The following XPNPEP3 variants were observed in gnomAD, a reference collection of about 807,000 sequenced individuals.
XPNPEP3 encodes the protein xaa-Pro aminopeptidase 3.
XPNPEP3 carries 41 observed loss-of-function variants against 60.0 expected under a neutral mutation model. That is an observed-to-expected ratio of 0.68 (90% CI 0.53 to 0.89). The LOEUF (loss-of-function observed/expected upper bound fraction) is 0.89, where lower values mean the gene tolerates loss of function less well. Among genes scored for constraint, XPNPEP3 ranks in the 40% least tolerant of loss-of-function variants. The pLI is 0.00. For missense variants in XPNPEP3, 598 were observed against 638.9 expected (o/e 0.94, Z 0.69); for synonymous variants, 212 against 223.2 (o/e 0.95, Z 0.45).
rs560908648 is a variant in XPNPEP3 at position 40,914,531 on chromosome 22, A to ATTTTT, written c.1055+234_1055+238dup. 1.9e-3 allele frequency among the ~76,000 whole-genome samples: 129 copies of ATTTTT among 67,668 alleles called. 12 individuals are homozygous for ATTTTT. Among genetic ancestry groups the ATTTTT allele is most frequent in the African/African-American group, 6.3e-3 (111 of 17,648 alleles). The allele number at this position is 67,668 out of a possible 152,430, so 44.4% of individuals were successfully genotyped here. On this transcript the variant is annotated intron_variant, in intron 7 of 9. Coordinates refer to ENST00000357137, the MANE Select transcript of XPNPEP3 (RefSeq NM_022098.4). ...AGAAACACCTAGGTAACTAACAAAG[A>ATTTTT]TTTTTTTTTTTTTTTTTTTTTTTTT... is the stretch of plus-strand genomic sequence containing the variant.
chr22:40,875,547 T>C (rs1175709213), intron 2 of XPNPEP3, among the ~76,000 whole-genome samples: 3 of 152,174 alleles, frequency 2.0e-5, no homozygotes, highest in African/African-American at 7.2e-5. Flanking sequence ...TAGTACATAT[T>C]GATAGACCAT....
At chr22:40,891,805 GCA>G (rs2058089625) in intron 4 of XPNPEP3, among the ~76,000 whole-genome samples, 1 of 152,166 alleles carries the variant, frequency 6.6e-6, no homozygotes, top group Non-Finnish European at 1.5e-5. Context: ...AGAATGCTTG[GCA>G]CTCAGTTGCA....
At chr22:40,880,061 G>A (rs924480800) in intron 2 of XPNPEP3, among the ~76,000 whole-genome samples, 1 of 149,846 alleles carries the variant, frequency 6.7e-6, no homozygotes, top group Non-Finnish European at 1.5e-5. Context: ...TTAGATCTAA[G>A]GTAATCATAT....
intron 4 of XPNPEP3, among the ~76,000 whole-genome samples, chr22:40,900,094 G>T (rs897343817): frequency 8.6e-5 from 13 of 151,370 alleles, no homozygotes; most frequent in African/African-American, 2.9e-4. Context: ...AAATAAAATG[G>T]ATCAGTGACC....
At chr22:40,872,590 A>G (rs2058010630) in intron 2 of XPNPEP3, among the ~76,000 whole-genome samples, 1 of 151,976 alleles carries the variant, frequency 6.6e-6, no homozygotes, top group Non-Finnish European at 1.5e-5. Context: ...AGCTGGGATT[A>G]CAGGCGCCTG....
chr22:40,912,111 A>G (rs2058179365), intron 6 of XPNPEP3, among the ~76,000 whole-genome samples: 1 of 152,156 alleles, frequency 6.6e-6, no homozygotes, highest in African/African-American at 2.4e-5. Flanking sequence ...ATTTATGTTA[A>G]CATGTAATGG....
intron 1 of XPNPEP3, chr22:40,860,734 C>A: frequency 1.2e-6 from 1 of 826,868 alleles, no homozygotes; most frequent in Non-Finnish European, 1.9e-6. Flanking sequence ...TACACTGCAA[C>A]CTATGTCTTC....
intron 4 of XPNPEP3, among the ~76,000 whole-genome samples, chr22:40,902,246 A>ATTT (rs140967240): frequency 3.1e-5 from 2 of 64,360 alleles, no homozygotes; most frequent in Admixed American, 1.9e-4. Flanking sequence ...TGCCTGGCTA[A>ATTT]TTTTTTTTTT....
At chr22:40,895,369 T>C (rs1250458296) in intron 4 of XPNPEP3, among the ~76,000 whole-genome samples, 1 of 151,964 alleles carries the variant, frequency 6.6e-6, no homozygotes, top group African/African-American at 2.4e-5. Context: ...AGAGTTTTGA[T>C]CTGTCGCCCA....
intron 7 of XPNPEP3, chr22:40,917,121 G>A (rs2058199089): frequency 6.6e-6 from 1 of 152,590 alleles, no homozygotes; most frequent in South Asian, 2.1e-4. Context: ...ACCAAGCATA[G>A]TGGCATGCAC....
At position 40,929,192 on chromosome 22, in the gene XPNPEP3, CTTTTTTTTTTTT is replaced by C. The variant is rs575824982; in HGVS notation, c.*2763_*2774del. The C allele has an allele frequency of 7.3e-6, 1 of 136,840 alleles. No individual in the cohort carries two copies. The highest frequency in any genetic ancestry group is 2.7e-5 in the African/African-American group (1 of 37,638). The allele number at this position is 136,840 out of a possible 1,614,324, so 8.5% of individuals were successfully genotyped here. ...TTCTTGTATCATTTTCTTTTCTTTT[CTTTTTTTTTTTT>C]TTTTTGAGACGGAGTCTCACACTGT... On this transcript the variant is annotated 3_prime_UTR_variant, in exon 10 of 10. Transcript: ENST00000357137.
At chr22:40,888,122 C>T (rs528938231) in intron 4 of XPNPEP3, among the ~76,000 whole-genome samples, 1 of 152,280 alleles carries the variant, frequency 6.6e-6, no homozygotes, top group South Asian at 2.1e-4. Context: ...CCCCAGTAAC[C>T]TCTACTTTCT....
chr22:40,868,588 C>T (rs1455756864), intron 1 of XPNPEP3, among the ~76,000 whole-genome samples: 1 of 152,182 alleles, frequency 6.6e-6, no homozygotes, highest in Non-Finnish European at 1.5e-5. Context: ...GGTGCAGTGG[C>T]TCATGCCTGT....
At chr22:40,894,412 C>T in intron 4 of XPNPEP3, among the ~76,000 whole-genome samples, 1 of 152,096 alleles carries the variant, frequency 6.6e-6, no homozygotes, top group East Asian at 1.9e-4. Context: ...AAGTGTACAA[C>T]ATATTTTGAT....
intron 4 of XPNPEP3, among the ~76,000 whole-genome samples, chr22:40,896,466 G>A (rs1255156954): frequency 6.6e-6 from 1 of 152,102 alleles, no homozygotes; most frequent in Non-Finnish European, 1.5e-5. Context: ...AGGAGTTTGA[G>A]ACCAGCCTGG....
chr22:40,882,767 A>T (rs2058053487), intron 3 of XPNPEP3, among the ~76,000 whole-genome samples: 1 of 152,234 alleles, frequency 6.6e-6, no homozygotes, highest in African/African-American at 2.4e-5. Context: ...AAATGAAAGT[A>T]TATAATTTAA....
At chr22:40,888,111 C>T (rs1213581653) in intron 4 of XPNPEP3, among the ~76,000 whole-genome samples, 2 of 152,144 alleles carry the variant, frequency 1.3e-5, no homozygotes, top group Non-Finnish European at 2.9e-5. Context: ...CCTCCTCCAG[C>T]CCCCAGTAAC....
intron 7 of XPNPEP3, 42 bp downstream of exon 7, chr22:40,914,366 A>T: frequency 6.6e-7 from 1 of 1,522,266 alleles, no homozygotes; most frequent in South Asian, 1.1e-5. Context: ...GCTTCTTAGG[A>T]GTATGAGTTG....
chr22:40,917,072 T>C, intron 7 of XPNPEP3: 1 of 151,494 alleles, frequency 6.6e-6, no homozygotes, highest in Non-Finnish European at 1.5e-5. Context: ...AGCCAGACCC[T>C]GTCGCAAAAA....
Sources: gnomAD v4.1 joint callset for allele counts (sites outside exome capture counted in the v4.1 genomes callset) on GRCh38, gnomAD v4.1.1 for gene constraint, MANE v1.5 for transcripts, NCBI Gene and HGNC (gene_info 2026-07-23, HGNC 2026-07-21) for gene names.